DOCK1: variants seen among roughly 807,000 people sequenced by gnomAD.
DOCK1 encodes the protein dedicator of cytokinesis 1, also known as dedicator of cytokinesis protein 1.
DOCK1 carries 138 observed loss-of-function variants against 262.7 expected under a neutral mutation model. The observed-to-expected ratio is 0.53, with a 90% CI of 0.46 to 0.61. The LOEUF is 0.61. Among genes scored for constraint, DOCK1 ranks in the 20% least tolerant of loss-of-function variants. The pLI is 0.00. For missense variants in DOCK1, 1,908 were observed against 2,370.7 expected, an observed-to-expected ratio of 0.80 and a Z score of 4.05; for synonymous variants, 866 against 867.4, an observed-to-expected ratio of 1.00 and a Z score of 0.03.
At chr10:127,015,575 C>T (rs765935830) in intron 12 of DOCK1, among the ~76,000 whole-genome samples, 35 of 152,110 alleles carry the variant, frequency 2.3e-4, no homozygotes, top group African/African-American at 3.6e-4. Context: ...TTTCAAGGAA[C>T]GGTGCCCCCG....
chr10:127,013,053 C>T (rs1293990455), intron 12 of DOCK1, among the ~76,000 whole-genome samples: 2 of 152,226 alleles, frequency 1.3e-5, no homozygotes, highest in African/African-American at 2.4e-5. Context: ...CCTGCTTCAT[C>T]GTCCAGCTAC....
chr10:127,298,098 C>T (rs1033939318), intron 29 of DOCK1, among the ~76,000 whole-genome samples: 1 of 152,128 alleles, frequency 6.6e-6, no homozygotes, highest in Admixed American at 6.5e-5. Context: ...AATTTTAAAA[C>T]TATTATTAAG....
At chr10:127,067,519 A>G (rs558421696) in intron 23 of DOCK1, among the ~76,000 whole-genome samples, 16 of 151,678 alleles carry the variant, frequency 1.1e-4, no homozygotes, top group African/African-American at 3.6e-4. Flanking sequence ...TGTGCATTGT[A>G]TGTGTGTGTG....
rs1215804752 is a variant in DOCK1, at chr10:127,152,253, G to A, written c.2847+24489G>A. On this transcript the variant is annotated intron_variant, in intron 27 of 51. Transcript: ENST00000623213. ...AGGGTCATTTTATGTCAGTGTTACA[G>A]CCCTTTGTTGTTGATTCAAAATTCT... 2.6e-5 allele frequency among the ~76,000 whole-genome samples: 4 copies of A among 152,188 alleles called. No homozygotes were observed. The East Asian group carries it at 7.7e-4, about 29-fold the overall frequency.
At chr10:127,250,218 A>G (rs1264446495) in intron 28 of DOCK1, among the ~76,000 whole-genome samples, 1 of 152,196 alleles carries the variant, frequency 6.6e-6, no homozygotes, top group Non-Finnish European at 1.5e-5. Context: ...TTTCAGAACA[A>G]TCACTTCATA....
chr10:127,168,574 C>T (rs943968609), intron 27 of DOCK1, among the ~76,000 whole-genome samples: 2 of 152,210 alleles, frequency 1.3e-5, no homozygotes, highest in African/African-American at 2.4e-5. Flanking sequence ...TAATGTCACC[C>T]ACCTCCTCTC....
intron 6 of DOCK1, among the ~76,000 whole-genome samples, chr10:126,990,881 A>T: frequency 6.6e-6 from 1 of 152,238 alleles, no homozygotes; most frequent in Middle Eastern, 3.4e-3. Flanking sequence ...GAACCCCATC[A>T]TTACTCCCCT....
intron 10 of DOCK1, among the ~76,000 whole-genome samples, chr10:127,006,986 TA>T (rs1213101497): frequency 6.6e-6 from 1 of 151,892 alleles, no homozygotes; most frequent in Non-Finnish European, 1.5e-5. Flanking sequence ...TGGAAAAAGG[TA>T]AAAAGGTGGG....
At chr10:127,203,899 A>ATTT (rs112984062) in intron 27 of DOCK1, among the ~76,000 whole-genome samples, 2 of 144,838 alleles carry the variant, frequency 1.4e-5, no homozygotes, top group African/African-American at 5.0e-5. Context: ...CACAATTTTG[A>ATTT]TTTTTTTTTT....
At chr10:127,334,439 C>G (rs1318286535) in intron 29 of DOCK1, among the ~76,000 whole-genome samples, 2 of 152,108 alleles carry the variant, frequency 1.3e-5, no homozygotes, top group Non-Finnish European at 2.9e-5. Context: ...ACCCATCTCC[C>G]TTTCTTATTG....
At chr10:127,182,737 C>A (rs191264851) in intron 27 of DOCK1, among the ~76,000 whole-genome samples, 84 of 152,282 alleles carry the variant, frequency 5.5e-4, no homozygotes, top group African/African-American at 1.9e-3. Flanking sequence ...ACCAAAATCA[C>A]CTGTGAGATT....
chr10:127,292,223 CG>C (rs200150052), intron 29 of DOCK1, among the ~76,000 whole-genome samples: 10 of 151,202 alleles, frequency 6.6e-5, no homozygotes, highest in African/African-American at 2.0e-4. Context: ...TTAATGTTTT[CG>C]GGGGAGGGGG....
chr10:127,417,054 G>A (rs974003456), intron 44 of DOCK1, among the ~76,000 whole-genome samples: 2 of 152,164 alleles, frequency 1.3e-5, no homozygotes, highest in Non-Finnish European at 2.9e-5. Flanking sequence ...GGACAGAATC[G>A]CCCATTCGCT....
intron 10 of DOCK1, 25 bp from the exon 11 acceptor site, chr10:127,008,707 A>G: frequency 6.4e-7 from 1 of 1,563,084 alleles, no homozygotes; most frequent in Non-Finnish European, 8.7e-7. Flanking sequence ...AGCCAAAACA[A>G]TCTCTGTTCT....
intron 27 of DOCK1, among the ~76,000 whole-genome samples, chr10:127,225,063 TCCA>T (rs1269244443): frequency 6.6e-6 from 1 of 152,194 alleles, no homozygotes; most frequent in African/African-American, 2.4e-5. Context: ...GTTCATATTT[TCCA>T]CCATTAAATC....
intron 2 of DOCK1, among the ~76,000 whole-genome samples, chr10:126,973,480 G>A (rs1348449332): frequency 2.0e-5 from 3 of 152,074 alleles, no homozygotes; most frequent in African/African-American, 7.2e-5. Context: ...CTGATTGCAG[G>A]CATTTGACTT....
chr10:127,435,565 TA>T (rs111277792), intron 48 of DOCK1, among the ~76,000 whole-genome samples: 1,753 of 152,348 alleles, frequency 0.012, 30 homozygotes, highest in African/African-American at 0.039. Flanking sequence ...TAAAGAAATT[TA>T]ATTCAACTTC....
chr10:127,135,194 G>A (rs1030458241), intron 27 of DOCK1, among the ~76,000 whole-genome samples: 3 of 152,184 alleles, frequency 2.0e-5, no homozygotes, highest in Non-Finnish European at 2.9e-5. Flanking sequence ...CATGTGTTCC[G>A]GTGGTGAAAC....
At chr10:127,112,802 A>G (rs547924310) in intron 25 of DOCK1, among the ~76,000 whole-genome samples, 2 of 152,306 alleles carry the variant, frequency 1.3e-5, no homozygotes, top group Non-Finnish European at 2.9e-5. Flanking sequence ...TGGCAGCTCA[A>G]ATGTACTTCT....
Sources: allele counts gnomAD v4.1 joint callset (sites outside exome capture counted in the v4.1 genomes callset), GRCh38; gene constraint gnomAD v4.1.1; transcripts MANE v1.5; gene names NCBI Gene and HGNC (gene_info 2026-07-23, HGNC 2026-07-21).